FRMPD4: variants seen among roughly 807,000 people sequenced by gnomAD.
FRMPD4 encodes FERM and PDZ domain-containing protein 4.
FRMPD4 carries 22 observed loss-of-function variants against 94.1 expected under a neutral mutation model. The ratio of observed to expected loss-of-function variants is 0.23; its 90% confidence interval spans 0.17 to 0.33. The LOEUF (loss-of-function observed/expected upper bound fraction) is 0.33, where lower values mean the gene tolerates loss of function less well. FRMPD4 is among the 10% of genes least tolerant of loss of function. The pLI, the probability that FRMPD4 is intolerant of heterozygous loss-of-function variation, is 1.00. For missense variants in FRMPD4, 1,111 were observed against 1,339.9 expected (o/e 0.83, Z 2.67); for synonymous variants, 631 against 548.6 (o/e 1.15, Z -2.10).
At position 12,723,047 on chromosome X, in the gene FRMPD4, G is replaced by C. The variant is rs930044902; in HGVS notation, c.*1189G>C. 7.2e-5 allele frequency: 8 copies of C among 110,530 alleles called. No individual in the cohort carries two copies. Among genetic ancestry groups the C allele is most frequent in the African/African-American group, 2.3e-4 (7 of 30,338 alleles). 9.1% of individuals were successfully genotyped at this position (110,530 alleles called of 1,213,427 possible). On this transcript the variant is annotated 3_prime_UTR_variant, in exon 17 of 17. Coordinates refer to ENST00000675598, the MANE Select transcript of FRMPD4 (RefSeq NM_001368397.1). ...GGGAGAGATGGCTACTGTAATCATG[G>C]GAGCCATGAGTAAATAGTTAAGTAT... is the stretch of plus-strand genomic sequence containing the variant.
chrX:12,402,069 A>G (rs1300692819), intron 1 of FRMPD4, among the ~76,000 whole-genome samples: 2 of 110,932 alleles, frequency 1.8e-5, no homozygotes, highest in Admixed American at 1.9e-4. Context: ...GTGCTAGGGA[A>G]GTGAGAGTTC....
chrX:12,404,848 A>T (rs1316806812), intron 1 of FRMPD4, among the ~76,000 whole-genome samples: 1 of 111,913 alleles, frequency 8.9e-6, no homozygotes, highest in African/African-American at 3.2e-5. Flanking sequence ...CCAGCCAGCC[A>T]GTCCCTCTTA....
At position 12,694,370 on chromosome X, in the gene FRMPD4, T is replaced by G. The variant is rs1188282692; in HGVS notation, c.849T>G (p.Cys283Trp). 8.4e-7 allele frequency: 1 copy of G among 1,192,536 alleles called. No homozygotes were observed. The highest frequency in any genetic ancestry group is 1.1e-6 in the Non-Finnish European group (1 of 879,140). ...GGCCCAGCTCCCATAAGATGAGATG[T>G]CTTTTCCGAATTAGCTTCGTCCCAA... ...TQRPSSHKMR[C>W]LFRISFVPKD... The change falls in exon 9 of 17, where the codon TGT (cysteine) becomes TGG (tryptophan). Residue 283 changes from cysteine (C) to tryptophan (W), a missense_variant. Coordinates refer to ENST00000675598, the MANE Select transcript of FRMPD4 (RefSeq NM_001368397.1).
intron 1 of FRMPD4, among the ~76,000 whole-genome samples, chrX:12,317,604 C>CAAAAAAAAAAAAAAAAAAAAAAAAAA (rs879024487): frequency 1.5e-5 from 1 of 64,999 alleles, no homozygotes; most frequent in African/African-American, 7.0e-5. Context: ...AAAAAAAAAA[C>CAAAAAAAAAAAAAAAAAAAAAAAAAA]AAAAAAAACA....
intron 1 of FRMPD4, among the ~76,000 whole-genome samples, chrX:12,497,686 T>C (rs1021725934): frequency 2.7e-5 from 3 of 109,850 alleles, no homozygotes; most frequent in Non-Finnish European, 5.7e-5. Context: ...TGTAGGAAAA[T>C]GGAAAGGAAG....
At chrX:12,148,366 A>G (rs2055800016) in intron 1 of FRMPD4, among the ~76,000 whole-genome samples, 1 of 112,560 alleles carries the variant, frequency 8.9e-6, no homozygotes, top group Admixed American at 9.4e-5. Context: ...CAAACCAGCC[A>G]CAACATTCCG....
chrX:12,614,359 A>C (rs751221308), intron 3 of FRMPD4, among the ~76,000 whole-genome samples: 4 of 110,532 alleles, frequency 3.6e-5, no homozygotes, highest in East Asian at 5.7e-4. Context: ...TGTTGAGAGA[A>C]TAGCTCCTTC....
At chrX:12,112,878 A>G (rs1569160791) in intron 3 of FRMPD4, among the ~76,000 whole-genome samples, 3 of 111,113 alleles carry the variant, frequency 2.7e-5, no homozygotes, top group South Asian at 3.8e-4. Context: ...CCCAACTCCA[A>G]CCACAAGGGT....
upstream of FRMPD4, among the ~76,000 whole-genome samples, chrX:12,136,033 T>G (rs2055593086): frequency 9.0e-6 from 1 of 111,210 alleles, no homozygotes; most frequent in South Asian, 3.9e-4. Context: ...GTTGCCATCA[T>G]TAACAGTCAG....
intron 2 of FRMPD4, among the ~76,000 whole-genome samples, chrX:12,593,516 C>T (rs1012466706): frequency 9.9e-5 from 11 of 111,602 alleles, no homozygotes; most frequent in African/African-American, 3.6e-4. Flanking sequence ...AAAAATAATT[C>T]CTTTCTCATT....
intron 1 of FRMPD4, among the ~76,000 whole-genome samples, chrX:11,855,453 G>T (rs1222068217): frequency 2.7e-5 from 3 of 112,050 alleles, no homozygotes; most frequent in African/African-American, 9.7e-5. Flanking sequence ...TGCATTGTTA[G>T]TCTGCAAATT....
At chrX:12,458,791 G>T (rs2057362244) in intron 1 of FRMPD4, among the ~76,000 whole-genome samples, 2 of 111,902 alleles carry the variant, frequency 1.8e-5, no homozygotes, top group South Asian at 7.4e-4. Context: ...AATGGAAGAA[G>T]CCTAAGATGC....
chrX:11,915,725 G>A (rs2054021216), intron 3 of FRMPD4, among the ~76,000 whole-genome samples: 1 of 112,087 alleles, frequency 8.9e-6, no homozygotes, highest in Non-Finnish European at 1.9e-5. Context: ...GGACAGCACT[G>A]GTGTAGAGAT....
At chrX:12,368,333 G>A (rs2056113865) in intron 1 of FRMPD4, among the ~76,000 whole-genome samples, 1 of 112,147 alleles carries the variant, frequency 8.9e-6, no homozygotes, top group African/African-American at 3.2e-5. Flanking sequence ...ACGTTACCAG[G>A]AGGAAGAAAG....
intron 1 of FRMPD4, among the ~76,000 whole-genome samples, chrX:11,842,855 T>A (rs1027946920): frequency 1.9e-5 from 2 of 107,344 alleles, no homozygotes; most frequent in Non-Finnish European, 3.8e-5. Flanking sequence ...TTCCAGTTTT[T>A]GCCCATTCAG....
intron 1 of FRMPD4, among the ~76,000 whole-genome samples, chrX:12,427,897 CTTTTTTTTTTTTTTT>C (rs139267482): frequency 1.8e-5 from 1 of 54,756 alleles, no homozygotes; most frequent in Non-Finnish European, 3.1e-5. Context: ...CCTTTTTTCT[CTTTTTTTTTTTTTTT>C]TTTTTTTTTT....
In FRMPD4 at chrX:12,718,378, T is replaced by C. The variant is rs765182559; in HGVS notation, c.3552T>C (p.Asp1184=). Residue 1184 remains aspartate, a synonymous_variant, in exon 16 of 17, where the codon GAT becomes GAC. Coordinates refer to ENST00000675598, the MANE Select transcript of FRMPD4 (RefSeq NM_001368397.1). ...ATCCTTCCAAGCTTCCTGAGGCTGA[T>C]GAGAGTGTGGCCCGCCTTTGTGACT... ...CDHPSKLPEA[D]ESVARLCDYH... is the part of the protein sequence containing the mutation. 2.5e-6 allele frequency: 3 copies of C among 1,211,804 alleles called. No individual in the cohort carries two copies. The highest frequency in any genetic ancestry group is 4.6e-4 in the Middle Eastern group (2 of 4,355).
chrX:12,487,282 TGTC>T (rs2057749234), intron 1 of FRMPD4, among the ~76,000 whole-genome samples: 1 of 112,187 alleles, frequency 8.9e-6, no homozygotes, highest in African/African-American at 3.2e-5. Flanking sequence ...GGCGGGGACT[TGTC>T]ATCTGTGTCT....
At chrX:12,255,023 A>C (rs1156269670) in intron 1 of FRMPD4, among the ~76,000 whole-genome samples, 1 of 111,494 alleles carries the variant, frequency 9.0e-6, no homozygotes, top group African/African-American at 3.3e-5. Flanking sequence ...CCCTTCCGCA[A>C]TCCAGAACTT....
Sources: gnomAD v4.1 joint callset for allele counts (sites outside exome capture counted in the v4.1 genomes callset) on GRCh38, gnomAD v4.1.1 for gene constraint, MANE v1.5 for transcripts, NCBI Gene and HGNC (gene_info 2026-07-23, HGNC 2026-07-21) for gene names.